The following MYO3B variants were observed in gnomAD, a reference collection of about 807,000 sequenced individuals.
MYO3B encodes myosin IIIB.
MYO3B carries 156 observed loss-of-function variants against 174.6 expected under a neutral mutation model. That is an observed-to-expected ratio of 0.89 (90% confidence interval 0.78 to 1.02). The LOEUF (loss-of-function observed/expected upper bound fraction) is 1.02. Among genes scored for constraint, MYO3B ranks in the 50% least tolerant of loss-of-function variants. The pLI is 0.00. For missense variants in MYO3B, 1,632 were observed against 1,639.4 expected, an observed-to-expected ratio of 1.00 and a Z score of 0.08; for synonymous variants, 563 against 569.1, an observed-to-expected ratio of 0.99 and a Z score of 0.15.
Position 170,192,649 on chromosome 2 carries a change from T to A in MYO3B, c.3-6559T>A, listed in dbSNP as rs184094649. Among the ~76,000 whole-genome samples, 562 of 151,534 alleles carry A rather than the reference T, an allele frequency of 3.7e-3. 2 individuals are homozygous for A. The highest frequency in any genetic ancestry group is 0.013 in the African/African-American group (521 of 41,542). ...TTTTTGAATAGAATATTAAAAAAAA[T>A]TTCTTTTTAATTATAATTTGCTTGG... On this transcript the variant is annotated intron_variant, in intron 1 of 34. Coordinates refer to ENST00000408978, the MANE Select transcript of MYO3B (RefSeq NM_138995.5).
At chr2:170,500,482 T>C (rs6433209) in intron 27 of MYO3B, among the ~76,000 whole-genome samples, 140,411 of 152,224 alleles carry the variant, frequency 0.92, 65,736 homozygotes, top group Non-Finnish European at 1. Flanking sequence ...TTGCCTTTAA[T>C]AGATAGGGAG....
intron 10 of MYO3B, 139 bp downstream of exon 10, chr2:170,382,251 G>T (rs1490477345): frequency 1.6e-6 from 1 of 637,960 alleles, no homozygotes; most frequent in African/African-American, 1.8e-5. Flanking sequence ...GAAGTTCAGG[G>T]AGCATTCAGT....
intron 8 of MYO3B, chr2:170,340,279 C>T (rs898018967): frequency 4.6e-5 from 7 of 152,034 alleles, no homozygotes; most frequent in African/African-American, 1.4e-4. Context: ...GTCCTTGAGC[C>T]GATTATTGAG....
At chr2:170,292,292 T>C (rs1307832937) in intron 7 of MYO3B, among the ~76,000 whole-genome samples, 1 of 152,236 alleles carries the variant, frequency 6.6e-6, no homozygotes, top group East Asian at 1.9e-4. Context: ...TTAATATCTT[T>C]GTTAAATTTC....
intron 9 of MYO3B, among the ~76,000 whole-genome samples, chr2:170,380,751 G>A (rs1040149103): frequency 2.0e-5 from 3 of 152,156 alleles, no homozygotes; most frequent in African/African-American, 7.2e-5. Context: ...AAAAAGATGT[G>A]TATAAAGTTT....
At chr2:170,547,518 A>C (rs1213938161) in intron 32 of MYO3B, among the ~76,000 whole-genome samples, 3 of 152,184 alleles carry the variant, frequency 2.0e-5, no homozygotes, top group Admixed American at 6.5e-5. Flanking sequence ...TACTAATGCA[A>C]ATGGTTATAC....
chr2:170,490,032 C>CTT (rs1421250552), intron 25 of MYO3B, among the ~76,000 whole-genome samples: 6 of 139,638 alleles, frequency 4.3e-5, no homozygotes, highest in Non-Finnish European at 9.3e-5. Context: ...TCTTTTCTTT[C>CTT]TTTTTTTTTT....
chr2:170,589,924 A>G (rs1309321692), intron 32 of MYO3B, among the ~76,000 whole-genome samples: 2 of 152,098 alleles, frequency 1.3e-5, no homozygotes, highest in South Asian at 2.1e-4. Flanking sequence ...TTTCATATCT[A>G]TTTTTACTGT....
intron 1 of MYO3B, among the ~76,000 whole-genome samples, chr2:170,179,476 G>A (rs1292208334): frequency 1.3e-5 from 2 of 152,162 alleles, no homozygotes; most frequent in African/African-American, 2.4e-5. Context: ...ACCTTTAAGA[G>A]GTGACTAGGT....
At chr2:170,409,317 A>AGAGATAACC (rs1215798374) in intron 22 of MYO3B, among the ~76,000 whole-genome samples, 2 of 152,226 alleles carry the variant, frequency 1.3e-5, no homozygotes, top group African/African-American at 4.8e-5. Flanking sequence ...ACAGGAACAA[A>AGAGATAACC]GAGATAACCT....
chr2:170,393,547 C>A (rs1012010582), intron 16 of MYO3B, among the ~76,000 whole-genome samples: 2 of 152,074 alleles, frequency 1.3e-5, no homozygotes, highest in Non-Finnish European at 2.9e-5. Context: ...TATATAGATT[C>A]TTTTGCTTTT....
chr2:170,263,159 A>T (rs2093357570), intron 7 of MYO3B, among the ~76,000 whole-genome samples: 2 of 152,192 alleles, frequency 1.3e-5, no homozygotes, highest in Non-Finnish European at 1.5e-5. Flanking sequence ...GTGGTTTATC[A>T]TGAGTTGGTA....
chr2:170,301,730 G>A (rs531101288), intron 7 of MYO3B, among the ~76,000 whole-genome samples: 1 of 152,116 alleles, frequency 6.6e-6, no homozygotes, highest in Non-Finnish European at 1.5e-5. Context: ...TTTCCTGATT[G>A]TGTGATACAC....
chr2:170,645,423 C>T (rs994842119), intron 32 of MYO3B, among the ~76,000 whole-genome samples: 7 of 143,856 alleles, frequency 4.9e-5, no homozygotes, highest in South Asian at 4.4e-4. Flanking sequence ...GAACTGAGAT[C>T]GTGCCACTGC....
chr2:170,184,692 G>T (rs1456324898), intron 1 of MYO3B, among the ~76,000 whole-genome samples: 2 of 152,108 alleles, frequency 1.3e-5, no homozygotes, highest in Non-Finnish European at 2.9e-5. Flanking sequence ...CATTTCCTTT[G>T]GGGTGTACCT....
chr2:170,630,350 G>A (rs1326129496), intron 32 of MYO3B, among the ~76,000 whole-genome samples: 2 of 152,146 alleles, frequency 1.3e-5, no homozygotes, highest in African/African-American at 4.8e-5. Flanking sequence ...CTGGTGGAGG[G>A]GTGTCCACCA....
At chr2:170,257,714 A>G (rs760027738) in intron 7 of MYO3B, among the ~76,000 whole-genome samples, 3 of 152,136 alleles carry the variant, frequency 2.0e-5, no homozygotes, top group Non-Finnish European at 4.4e-5. Context: ...CTAGCAGAAG[A>G]TAAGAAATAA....
At chr2:170,541,654 G>A (rs1036502461) in intron 30 of MYO3B, among the ~76,000 whole-genome samples, 4 of 151,902 alleles carry the variant, frequency 2.6e-5, no homozygotes, top group East Asian at 3.9e-4. Flanking sequence ...ACATGGCCCC[G>A]CATTTTGTGG....
chr2:170,249,720 A>T (rs934120785), intron 7 of MYO3B, among the ~76,000 whole-genome samples: 4 of 152,182 alleles, frequency 2.6e-5, no homozygotes, highest in Non-Finnish European at 2.9e-5. Flanking sequence ...GCAGCTCCAC[A>T]GCAAAAAGGC....
Sources: allele counts gnomAD v4.1 joint callset (sites outside exome capture counted in the v4.1 genomes callset), GRCh38; gene constraint gnomAD v4.1.1; transcripts MANE v1.5; gene names NCBI Gene and HGNC (gene_info 2026-07-23, HGNC 2026-07-21).